Variants in SCN9A observed in about 807,000 individuals in gnomAD.
The protein encoded by SCN9A is sodium voltage-gated channel alpha subunit 9.
A neutral mutation model predicts 187.0 loss-of-function variants in SCN9A; 131 were observed. That is an observed-to-expected ratio of 0.70 (90% CI 0.61 to 0.81). The LOEUF (loss-of-function observed/expected upper bound fraction) is 0.81. Ranked by LOEUF, SCN9A falls within the 30% of genes least tolerant of loss-of-function variation. The pLI is 0.00. For missense variants in SCN9A, 2,252 were observed against 2,396.6 expected, an observed-to-expected ratio of 0.94 and a Z score of 1.26; for synonymous variants, 809 against 808.6, an observed-to-expected ratio of 1.00 and a Z score of -0.01.
At chr2:166,252,015 A>C in intron 17 of SCN9A, 130 bp from the exon 18 acceptor site, 1 of 982,932 alleles carries the variant, frequency 1.0e-6, no homozygotes. Flanking sequence ...GATGGCCATA[A>C]AAAATGTATA....
intron 1 of SCN9A, among the ~76,000 whole-genome samples, chr2:166,352,286 C>G (rs921952980): frequency 6.6e-5 from 10 of 152,070 alleles, no homozygotes; most frequent in East Asian, 3.9e-4. Context: ...CTGTTCTATT[C>G]AATAAAGTTT....
intron 10 of SCN9A, among the ~76,000 whole-genome samples, chr2:166,286,839 TAG>T (rs992772241): frequency 5.5e-4 from 83 of 152,210 alleles, no homozygotes; most frequent in Non-Finnish European, 7.1e-4. Flanking sequence ...TATTGTATTT[TAG>T]AATTAAACTA....
At chr2:166,320,865 TA>T (rs1225917501) in intron 1 of SCN9A, among the ~76,000 whole-genome samples, 1 of 152,184 alleles carries the variant, frequency 6.6e-6, no homozygotes, top group Non-Finnish European at 1.5e-5. Flanking sequence ...AGAATGCAGG[TA>T]TACTCCACTG....
chr2:166,273,685 G>A (rs940909755), intron 16 of SCN9A, among the ~76,000 whole-genome samples: 2 of 151,926 alleles, frequency 1.3e-5, no homozygotes, highest in African/African-American at 4.8e-5. Flanking sequence ...TGTTCACAGA[G>A]GGCAGGAAAC....
intron 26 of SCN9A, among the ~76,000 whole-genome samples, chr2:166,202,276 C>T: frequency 6.6e-6 from 1 of 151,072 alleles, no homozygotes; most frequent in African/African-American, 2.4e-5. Context: ...TGTCTATTTC[C>T]ACATATTTCC....
At chr2:166,367,947 G>A (rs1161252540) in intron 1 of SCN9A, among the ~76,000 whole-genome samples, 1 of 152,126 alleles carries the variant, frequency 6.6e-6, no homozygotes, top group Non-Finnish European at 1.5e-5. Flanking sequence ...ACATGATTTA[G>A]TATGTTTGAT....
intron 1 of SCN9A, among the ~76,000 whole-genome samples, chr2:166,333,891 C>G (rs1401636227): frequency 1.3e-5 from 2 of 152,026 alleles, no homozygotes; most frequent in Admixed American, 1.3e-4. Context: ...TGTTGTTCCT[C>G]TTAAAACAGC....
chr2:166,351,782 A>T (rs936276167), intron 1 of SCN9A, among the ~76,000 whole-genome samples: 2 of 152,066 alleles, frequency 1.3e-5, no homozygotes, highest in African/African-American at 4.8e-5. Context: ...TTTTTCCCCA[A>T]ATTCTTACCC....
At chr2:166,317,142 G>A (rs1371118711) in intron 1 of SCN9A, among the ~76,000 whole-genome samples, 1 of 93,456 alleles carries the variant, frequency 1.1e-5, no homozygotes, top group Admixed American at 9.5e-5. Flanking sequence ...AAGAGATTAT[G>A]GATTATTTTT....
Position 166,199,582 on chromosome 2 carries a change from T to G in SCN9A, c.5057A>C (p.Asn1686Thr). The G allele has an allele frequency of 6.2e-7, 1 of 1,614,152 alleles. No homozygotes were observed. Among genetic ancestry groups the G allele is most frequent in the Non-Finnish European group, 8.5e-7 (1 of 1,180,026 alleles). ...NDMFNFETFG[N>T]SMICLFQITT... ...AATTTGGAACAGGCAAATCATACTG[T>G]TGCCAAAGGTCTCAAAATTGAACAT... The change falls in exon 27 of 27, where the codon AAC becomes ACC. Residue 1686 changes from asparagine to threonine, a missense_variant. Transcript: ENST00000642356.
rs906298465 is a variant in SCN9A at position 166,228,836 on chromosome 2, G to A, written c.4061C>T (p.Thr1354Ile). The change falls in exon 22 of 27, where the codon ACA becomes ATA. Residue 1354 changes from threonine (T) to isoleucine (I), a missense_variant. This residue lies in a region of SCN9A where 368 missense variants were observed against 408.6 expected (regional missense o/e 0.90). Transcript: ENST00000642356. ...AGKFYECINTTDGSRFPASQV... is the reference protein window; with the variant it reads ...AGKFYECINTIDGSRFPASQV... The stretch of plus-strand genomic sequence containing the variant: ...ACTTGCAGGAAACCGTGACCCATCT[G>A]TGGTGTTAATACACTCATAGAACTT... 2 of 1,613,912 alleles carry A rather than the reference G, an allele frequency of 1.2e-6. No individual in the cohort carries two copies. Among genetic ancestry groups the A allele is most frequent in the Non-Finnish European group, 1.7e-6 (2 of 1,179,866 alleles).
chr2:166,358,107 T>C (rs1700195420), intron 1 of SCN9A, among the ~76,000 whole-genome samples: 1 of 151,470 alleles, frequency 6.6e-6, no homozygotes, highest in South Asian at 2.1e-4. Context: ...CGCTCTCTCA[T>C]TGCCCAGGCT....
Position 166,275,233 on chromosome 2 carries a change from C to T in SCN9A, c.2874+1750G>A, listed in dbSNP as rs539645922. ...TTTGTGATTATTGGCTTTGATGTGGCATGTTTTCACAAGTTATACCTTTCC... is the reference window on the plus strand; with the variant it reads ...TTTGTGATTATTGGCTTTGATGTGGTATGTTTTCACAAGTTATACCTTTCC... On this transcript the variant is annotated intron_variant, in intron 16 of 26. Coordinates refer to ENST00000642356, the MANE Select transcript of SCN9A (RefSeq NM_001365536.1). 2.6e-5 allele frequency among the ~76,000 whole-genome samples: 4 copies of T among 152,202 alleles called. No homozygotes were observed. The South Asian group carries it at 8.3e-4, about 32-fold the overall frequency.
intron 10 of SCN9A, among the ~76,000 whole-genome samples, chr2:166,287,809 T>C (rs1338455837): frequency 6.6e-6 from 1 of 151,908 alleles, no homozygotes; most frequent in Non-Finnish European, 1.5e-5. Flanking sequence ...TTAAAAATCC[T>C]TGTGACATTA....
rs1699983895 is a variant in SCN9A, at chr2:166,349,581, A to C, written c.-51+26116T>G. ...AGTACTGTTAATTCTGAAAATTAGA[A>C]TCTCTCTACAAACTTTTAAATTAGG... is the stretch of plus-strand genomic sequence containing the variant. On this transcript the variant is annotated intron_variant, in intron 1 of 26. Coordinates refer to ENST00000642356, the MANE Select transcript of SCN9A (RefSeq NM_001365536.1). 3.3e-5 allele frequency among the ~76,000 whole-genome samples: 5 copies of C among 152,212 alleles called. No individual in the cohort carries two copies. In the South Asian group the frequency reaches 1.0e-3, roughly 32 times the overall value.
chr2:166,257,232 T>TA (rs1268548860), intron 17 of SCN9A, among the ~76,000 whole-genome samples: 1 of 151,474 alleles, frequency 6.6e-6, no homozygotes, highest in Non-Finnish European at 1.5e-5. Context: ...TATGCCAGCT[T>TA]AAAAAAATGC....
chr2:166,246,072 A>G (rs1695775769), intron 18 of SCN9A, among the ~76,000 whole-genome samples: 1 of 151,762 alleles, frequency 6.6e-6, no homozygotes, highest in African/African-American at 2.4e-5. Flanking sequence ...TGTATATTTT[A>G]TGTGTTCCTG....
In SCN9A at chr2:166,272,620, C is replaced by G. The variant is rs1697049639; in HGVS notation, c.3130G>C (p.Ala1044Pro). ...KENYISNHTL[A>P]EMSKGHNFLK... ...AAATTGTGACCTTTGCTCATTTCAG[C>G]AAGTGTATGGTTAGAAATATAGTTT... The change falls in exon 17 of 27, where the codon GCT (alanine) becomes CCT (proline). Residue 1044 changes from alanine (A) to proline (P), a missense_variant. Coordinates refer to ENST00000642356, the MANE Select transcript of SCN9A (RefSeq NM_001365536.1). 6.2e-7 allele frequency: 1 copy of G among 1,613,174 alleles called. No homozygotes were observed. The highest frequency in any genetic ancestry group is 1.7e-5 in the Admixed American group (1 of 59,866).
At chr2:166,230,611 AT>A (rs1196181116) in intron 21 of SCN9A, among the ~76,000 whole-genome samples, 2 of 152,110 alleles carry the variant, frequency 1.3e-5, no homozygotes, top group African/African-American at 4.8e-5. Context: ...CAGTCATGAA[AT>A]GTCTGAAATG....
Sources: allele counts gnomAD v4.1 joint callset (sites outside exome capture counted in the v4.1 genomes callset), GRCh38; gene constraint gnomAD v4.1.1; regional missense constraint gnomAD v4.1.1; transcripts MANE v1.5; gene names NCBI Gene and HGNC (gene_info 2026-07-23, HGNC 2026-07-21).